The following TLN2 variants were observed in gnomAD, a reference collection of about 807,000 sequenced individuals.
TLN2 encodes the protein talin 2, also known as talin-2.
A neutral mutation model predicts 294.7 loss-of-function variants in TLN2; 118 were observed. The ratio of observed to expected loss-of-function variants is 0.40; its 90% confidence interval spans 0.34 to 0.47. The LOEUF (loss-of-function observed/expected upper bound fraction) is 0.47, where lower values mean the gene tolerates loss of function less well. Among genes scored for constraint, TLN2 ranks in the 20% least tolerant of loss-of-function variants. The pLI, the probability that TLN2 is intolerant of heterozygous loss-of-function variation, is 0.84. For missense variants in TLN2, 3,083 were observed against 3,282.2 expected, an observed-to-expected ratio of 0.94 and a Z score of 1.48; for synonymous variants, 1,431 against 1,304.5, an observed-to-expected ratio of 1.10 and a Z score of -2.09.
chr15:62,795,225 A>G (rs1596021604), intron 46 of TLN2, among the ~76,000 whole-genome samples: 1 of 152,008 alleles, frequency 6.6e-6, no homozygotes, highest in East Asian at 1.9e-4. Flanking sequence ...TGGCTGCGGG[A>G]GAGGGGCAGG....
At chr15:62,642,114 G>A (rs1413433947) in intron 3 of TLN2, among the ~76,000 whole-genome samples, 2 of 152,204 alleles carry the variant, frequency 1.3e-5, no homozygotes, top group Admixed American at 1.3e-4. Flanking sequence ...GTTGGATCAA[G>A]CAACCTTCAC....
chr15:62,446,320 A>G (rs766761929), intron 1 of TLN2, among the ~76,000 whole-genome samples: 20 of 152,078 alleles, frequency 1.3e-4, no homozygotes, highest in Non-Finnish European at 1.5e-5. Context: ...AACTCCTAAT[A>G]AGCATCTGGA....
At position 62,442,851 on chromosome 15, in the gene TLN2, T is replaced by C. The variant is rs185708110; in HGVS notation, c.-238+52166T>C. On this transcript the variant is annotated intron_variant, in intron 1 of 58. Coordinates refer to ENST00000636159, the MANE Select transcript of TLN2 (RefSeq NM_015059.3). ...GGTGTCAGCAGGGCTGTGATTTTCC[T>C]GGCGGCTCTAGGAGAGAATCCATTT... 5.4e-3 allele frequency among the ~76,000 whole-genome samples: 819 copies of C among 152,282 alleles called. 8 individuals are homozygous for C. The highest frequency in any genetic ancestry group is 0.018 in the African/African-American group (766 of 41,556).
rs756599332 is a variant in TLN2 at position 62,686,859 on chromosome 15, G to A, written c.1113+63G>A. On this transcript the variant is annotated intron_variant, in intron 12 of 58. Coordinates refer to ENST00000636159, the MANE Select transcript of TLN2 (RefSeq NM_015059.3). ...GCCTTGAGTGATATTGTGGGGACAG[G>A]AGAAAGACCAGATTCTTGCCCATTG... The A allele has an allele frequency of 3.6e-5, 57 of 1,584,282 alleles. No individual in the cohort carries two copies. In the South Asian group the frequency reaches 5.5e-4, roughly 15 times the overall value.
intron 54 of TLN2, chr15:62,824,080 A>T: frequency 2.2e-6 from 1 of 461,502 alleles, no homozygotes; most frequent in Non-Finnish European, 4.5e-6. Context: ...ATAAGGCAAC[A>T]GGAAAGAACA....
At chr15:62,458,021 G>C (rs1490885613) in intron 1 of TLN2, among the ~76,000 whole-genome samples, 1 of 152,254 alleles carries the variant, frequency 6.6e-6, no homozygotes, top group Non-Finnish European at 1.5e-5. Context: ...ACAACGACAT[G>C]ATGGTCAGGT....
At position 62,835,974 on chromosome 15, in the gene TLN2, C is replaced by T. The variant is rs750055539; in HGVS notation, c.7275C>T (p.Leu2425=). Residue 2425 remains leucine, a synonymous_variant, in exon 57 of 59, where the codon CTC becomes CTT. Coordinates refer to ENST00000636159, the MANE Select transcript of TLN2 (RefSeq NM_015059.3). ...SVQGHASEEK[L]ISSAKQVAAS... ...AGGGACACGCCAGCGAGGAGAAGCT[C>T]ATCTCATCTGCCAAGCAGGTCGCCG... is the stretch of plus-strand genomic sequence containing the variant. 3.1e-6 allele frequency: 5 copies of T among 1,614,038 alleles called. 1 individual carries two copies. The South Asian group carries it at 3.3e-5, about 11-fold the overall frequency.
At chr15:62,687,757 A>G (rs2057410882) in intron 12 of TLN2, 1 of 152,208 alleles carries the variant, frequency 6.6e-6, no homozygotes, top group Non-Finnish European at 1.5e-5. Context: ...GTCATTAGTT[A>G]TCTAATTTGA....
At chr15:62,552,233 A>G (rs1162899266) in intron 1 of TLN2, among the ~76,000 whole-genome samples, 1 of 152,178 alleles carries the variant, frequency 6.6e-6, no homozygotes, top group Non-Finnish European at 1.5e-5. Context: ...AAAGCCTTTT[A>G]TGGGCTATAT....
intron 1 of TLN2, among the ~76,000 whole-genome samples, chr15:62,571,580 G>A (rs1280928110): frequency 2.6e-5 from 4 of 152,146 alleles, no homozygotes; most frequent in African/African-American, 9.7e-5. Context: ...TTACCTTCAT[G>A]TGTTGCCTCC....
intron 2 of TLN2, among the ~76,000 whole-genome samples, chr15:62,612,696 G>T (rs2048010881): frequency 6.6e-6 from 1 of 152,096 alleles, no homozygotes; most frequent in African/African-American, 2.4e-5. Flanking sequence ...CATGTTCTTT[G>T]AAATAATGTC....
intron 52 of TLN2, among the ~76,000 whole-genome samples, chr15:62,811,188 C>G (rs1413663212): frequency 6.6e-6 from 1 of 152,170 alleles, no homozygotes; most frequent in Non-Finnish European, 1.5e-5. Flanking sequence ...TATTTTTATT[C>G]TTTATCCAGG....
intron 1 of TLN2, among the ~76,000 whole-genome samples, chr15:62,427,158 C>T (rs1311397461): frequency 6.6e-6 from 1 of 152,094 alleles, no homozygotes; most frequent in Non-Finnish European, 1.5e-5. Flanking sequence ...GGAGGGTGTG[C>T]ATGTTGATTT....
At chr15:62,446,385 T>G (rs929124507) in intron 1 of TLN2, among the ~76,000 whole-genome samples, 1 of 152,232 alleles carries the variant, frequency 6.6e-6, no homozygotes, top group Non-Finnish European at 1.5e-5. Context: ...CTTTTTGTAT[T>G]TTAATTCCTT....
At chr15:62,444,795 G>A (rs150442306) in intron 1 of TLN2, among the ~76,000 whole-genome samples, 1 of 152,306 alleles carries the variant, frequency 6.6e-6, no homozygotes, top group East Asian at 1.9e-4. Flanking sequence ...ACTGAGTGCG[G>A]CAGGAGGGGT....
chr15:62,444,796 C>T (rs1264405277), intron 1 of TLN2, among the ~76,000 whole-genome samples: 5 of 152,148 alleles, frequency 3.3e-5, no homozygotes, highest in Admixed American at 1.3e-4. Flanking sequence ...CTGAGTGCGG[C>T]AGGAGGGGTA....
chr15:62,829,195 A>G (rs922899220), intron 54 of TLN2: 179 of 149,172 alleles, frequency 1.2e-3, no homozygotes, highest in African/African-American at 4.3e-3. Flanking sequence ...AATACATGAG[A>G]TGTGTTGTTA....
chr15:62,588,657 AT>A (rs1280910534), intron 1 of TLN2, among the ~76,000 whole-genome samples: 124 of 108,762 alleles, frequency 1.1e-3, no homozygotes, highest in Admixed American at 3.5e-3. Context: ...ATATATATAC[AT>A]TTTTTTCATA....
chr15:62,613,906 G>T (rs1334776727), intron 2 of TLN2, among the ~76,000 whole-genome samples: 2 of 151,890 alleles, frequency 1.3e-5, no homozygotes, highest in East Asian at 3.9e-4. Flanking sequence ...TAAAATTCTG[G>T]AAAAATGCAA....
Sources: allele counts gnomAD v4.1 joint callset (sites outside exome capture counted in the v4.1 genomes callset), GRCh38; gene constraint gnomAD v4.1.1; transcripts MANE v1.5; gene names NCBI Gene and HGNC (gene_info 2026-07-23, HGNC 2026-07-21).